ARFGEF1: variants seen among roughly 807,000 people sequenced by gnomAD.
ARFGEF1 encodes brefeldin A-inhibited guanine nucleotide-exchange protein 1.
ARFGEF1 carries 42 observed loss-of-function variants against 231.0 expected under a neutral mutation model. That is an observed-to-expected ratio of 0.18 (90% CI 0.14 to 0.24). ARFGEF1 has a LOEUF of 0.24. ARFGEF1 is among the 10% of genes least tolerant of loss of function. The pLI is 1.00. For missense variants in ARFGEF1, 1,345 were observed against 2,192.0 expected (o/e 0.61, Z 7.72); for synonymous variants, 710 against 732.3 (o/e 0.97, Z 0.49).
At chr8:67,201,293 G>A (rs1838318714) in intron 37 of ARFGEF1, among the ~76,000 whole-genome samples, 174 bp downstream of exon 37, 1 of 152,162 alleles carries the variant, frequency 6.6e-6, no homozygotes, top group Non-Finnish European at 1.5e-5. Flanking sequence ...TTGGCCACAT[G>A]TCACTAAAGC....
At chr8:67,264,355 A>C (rs537370828) in intron 14 of ARFGEF1, among the ~76,000 whole-genome samples, 33 of 152,288 alleles carry the variant, frequency 2.2e-4, no homozygotes, top group African/African-American at 7.5e-4. Context: ...GTGACAGATT[A>C]GATTCGAGAA....
Position 67,175,487 on chromosome 8 carries a change from G to A in ARFGEF1, c.*68C>T, listed in dbSNP as rs146234559. ...AATAGTATCAGCACGCTGTTTTTCCGTAGGCTTTCTGCATCTCTTCTATTG... is the reference window on the plus strand; with the variant it reads ...AATAGTATCAGCACGCTGTTTTTCCATAGGCTTTCTGCATCTCTTCTATTG... On this transcript the variant is annotated 3_prime_UTR_variant, in exon 6 of 6. Coordinates refer to the ARFGEF1 transcript ENST00000518789. 2.7e-4 allele frequency: 425 copies of A among 1,602,256 alleles called. No individual in the cohort carries two copies. In the African/African-American group the frequency reaches 3.7e-3, roughly 14 times the overall value.
downstream of ARFGEF1, chr8:67,195,294 G>T (rs980776411): frequency 2.8e-5 from 23 of 830,648 alleles, no homozygotes; most frequent in African/African-American, 3.7e-4. Context: ...ATGCTGAGTT[G>T]TAATGAGTTG....
chr8:67,204,739 T>C lies in ARFGEF1; in HGVS notation c.4900A>G (p.Ile1634Val), dbSNP rs1346565578. ...QLELIQTIDNIVFFPATSKKE... is the reference protein window; with the variant it reads ...QLELIQTIDNVVFFPATSKKE... Reference sequence around the variant, plus strand: ...TTACTTGTGGCTGGGAAGAAGACAATGTTGTCGATAGTCTGGATGAGTTCC... The same window carrying C: ...TTACTTGTGGCTGGGAAGAAGACAACGTTGTCGATAGTCTGGATGAGTTCC... The change falls in exon 35 of 39, where the codon ATT becomes GTT. Residue 1634 changes from isoleucine (I) to valine (V), a missense_variant. Coordinates refer to ENST00000262215, the MANE Select transcript of ARFGEF1 (RefSeq NM_006421.5). 6.2e-7 allele frequency: 1 copy of C among 1,613,960 alleles called. No individual in the cohort carries two copies. The highest frequency in any genetic ancestry group is 1.7e-5 in the Admixed American group (1 of 59,988).
Position 67,260,969 on chromosome 8 carries a change from C to G in ARFGEF1, c.2124-1043G>C, listed in dbSNP as rs570915681. On this transcript the variant is annotated intron_variant, in intron 14 of 38. Coordinates refer to ENST00000262215, the MANE Select transcript of ARFGEF1 (RefSeq NM_006421.5). ...TCACAACATTACCTTAAGGCAAAGC[C>G]TAATCCCAAAAAAGGCCCCAACTCT... 7.2e-4 allele frequency among the ~76,000 whole-genome samples: 110 copies of G among 152,280 alleles called. No homozygotes were observed. In the South Asian group the frequency reaches 0.023, roughly 31 times the overall value.
intron 5 of ARFGEF1, among the ~76,000 whole-genome samples, chr8:67,176,900 G>A (rs1375096335): frequency 5.9e-5 from 9 of 151,770 alleles, no homozygotes; most frequent in African/African-American, 1.9e-4. Flanking sequence ...TGAAACCCCC[G>A]TCTCTACTAA....
chr8:67,199,919 T>G (rs576524828), intron 38 of ARFGEF1: 1 of 231,194 alleles, frequency 4.3e-6, no homozygotes, highest in Non-Finnish European at 8.8e-6. Context: ...TTTCTACTGG[T>G]TTAAAATTCT....
intron 6 of ARFGEF1, among the ~76,000 whole-genome samples, chr8:67,289,986 A>T (rs956476252): frequency 6.6e-6 from 1 of 152,196 alleles, no homozygotes. Flanking sequence ...AACAGAACAG[A>T]ATAACAATGA....
chr8:67,212,480 C>T (rs909842059), intron 33 of ARFGEF1, among the ~76,000 whole-genome samples: 4 of 152,198 alleles, frequency 2.6e-5, no homozygotes, highest in African/African-American at 4.8e-5. Context: ...ACTTTCCTTG[C>T]AGGTTGTTAA....
At chr8:67,262,924 T>C (rs1278540893) in intron 14 of ARFGEF1, among the ~76,000 whole-genome samples, 1 of 152,206 alleles carries the variant, frequency 6.6e-6, no homozygotes, top group Non-Finnish European at 1.5e-5. Context: ...ACTCACTATA[T>C]TGCAATATTT....
chr8:67,253,091 GGTCA>G (rs1368955008), intron 18 of ARFGEF1, among the ~76,000 whole-genome samples: 1 of 151,918 alleles, frequency 6.6e-6, no homozygotes, highest in East Asian at 1.9e-4. Context: ...ATTAATCACT[GGTCA>G]GTGTTATCTT....
At chr8:67,189,072 C>A (rs1159719784) in intron 5 of ARFGEF1, among the ~76,000 whole-genome samples, 1 of 152,146 alleles carries the variant, frequency 6.6e-6, no homozygotes, top group Non-Finnish European at 1.5e-5. Flanking sequence ...AAATGAGATA[C>A]CACCACATAC....
chr8:67,258,970 C>A (rs1587151104), intron 15 of ARFGEF1, among the ~76,000 whole-genome samples: 1 of 152,104 alleles, frequency 6.6e-6, no homozygotes, highest in African/African-American at 2.4e-5. Flanking sequence ...ATAACCTACA[C>A]ACGTCCTCCC....
intron 5 of ARFGEF1, among the ~76,000 whole-genome samples, chr8:67,179,460 A>G (rs966353474): frequency 3.3e-5 from 5 of 152,224 alleles, no homozygotes; most frequent in Admixed American, 3.3e-4. Context: ...GTTTATGGAA[A>G]TTCGGATGAA....
chr8:67,179,751 T>C, intron 5 of ARFGEF1: 1 of 699,262 alleles, frequency 1.4e-6, no homozygotes, highest in Non-Finnish European at 2.5e-6. Context: ...CCTCTACCCA[T>C]CCTCTGCTTT....
chr8:67,312,038 A>G (rs1807092642), intron 1 of ARFGEF1, among the ~76,000 whole-genome samples: 1 of 152,110 alleles, frequency 6.6e-6, no homozygotes, highest in African/African-American at 2.4e-5. Flanking sequence ...GCTTGAAGGC[A>G]GCATGCTCGG....
At chr8:67,282,169 C>T (rs1317344560) in intron 7 of ARFGEF1, among the ~76,000 whole-genome samples, 1 of 152,010 alleles carries the variant, frequency 6.6e-6, no homozygotes, top group Admixed American at 6.6e-5. Flanking sequence ...AGGCCTTGCA[C>T]TATGAAAATC....
intron 14 of ARFGEF1, among the ~76,000 whole-genome samples, chr8:67,262,283 G>A (rs1384899507): frequency 6.6e-6 from 1 of 152,216 alleles, no homozygotes; most frequent in African/African-American, 2.4e-5. Context: ...AGTAACTGCA[G>A]ATGTGGTAAA....
At chr8:67,227,690 A>T (rs1839421946) in intron 25 of ARFGEF1, 92 bp from the exon 26 acceptor site, 8 of 1,337,294 alleles carry the variant, frequency 6.0e-6, no homozygotes, top group Non-Finnish European at 8.2e-6. Context: ...AGTATAGAAT[A>T]GCATAGATAG....
Sources: gnomAD v4.1 joint callset for allele counts (sites outside exome capture counted in the v4.1 genomes callset) on GRCh38, gnomAD v4.1.1 for gene constraint, MANE v1.5 for transcripts, NCBI Gene and HGNC (gene_info 2026-07-23, HGNC 2026-07-21) for gene names.